LHFPL3: variants seen among roughly 807,000 people sequenced by gnomAD.
LHFPL3 encodes the protein LHFPL tetraspan subfamily member 3.
LHFPL3 carries 5 observed loss-of-function variants against 19.3 expected under a neutral mutation model. The observed-to-expected ratio is 0.26, with a 90% CI of 0.14 to 0.54. LHFPL3 has a LOEUF of 0.54. LHFPL3 is among the 20% of genes least tolerant of loss of function. The pLI is 0.94. For synonymous variants in LHFPL3, 133 were observed against 126.2 expected (o/e 1.05, Z -0.36); for missense variants, 249 against 307.4 (o/e 0.81, Z 1.42).
intron 1 of LHFPL3, among the ~76,000 whole-genome samples, chr7:104,505,556 C>G (rs1305162491): frequency 6.6e-6 from 1 of 151,932 alleles, no homozygotes; most frequent in Non-Finnish European, 1.5e-5. Context: ...ATTGTCTGAG[C>G]ATGGATGACT....
At chr7:104,423,139 A>T (rs1791767346) in intron 1 of LHFPL3, among the ~76,000 whole-genome samples, 1 of 152,162 alleles carries the variant, frequency 6.6e-6, no homozygotes, top group Admixed American at 6.5e-5. Flanking sequence ...AGAGGGGAGG[A>T]CAATAAGCCA....
At chr7:104,604,332 C>T (rs192097309) in intron 1 of LHFPL3, among the ~76,000 whole-genome samples, 1 of 152,284 alleles carries the variant, frequency 6.6e-6, no homozygotes, top group East Asian at 1.9e-4. Context: ...GCAGCAAAAC[C>T]AGGGAGGGCA....
At chr7:104,441,795 C>T (rs902180240) in intron 1 of LHFPL3, among the ~76,000 whole-genome samples, 7 of 152,062 alleles carry the variant, frequency 4.6e-5, no homozygotes, top group Non-Finnish European at 2.9e-5. Flanking sequence ...AGGCTGGTCT[C>T]GAACTCCTGA....
intron 1 of LHFPL3, among the ~76,000 whole-genome samples, chr7:104,487,507 C>T (rs1340417138): frequency 1.3e-5 from 2 of 152,192 alleles, no homozygotes; most frequent in East Asian, 3.8e-4. Context: ...TTAGACATGC[C>T]AGTTAACCTA....
At chr7:104,864,024 G>A (rs1791667285) in intron 2 of LHFPL3, among the ~76,000 whole-genome samples, 1 of 152,160 alleles carries the variant, frequency 6.6e-6, no homozygotes, top group South Asian at 2.1e-4. Context: ...ACTTAACACT[G>A]TATAACTGTT....
chr7:104,556,482 C>G (rs957948086), intron 1 of LHFPL3, among the ~76,000 whole-genome samples: 2 of 152,214 alleles, frequency 1.3e-5, no homozygotes, highest in African/African-American at 4.8e-5. Flanking sequence ...ACCTTGGCCC[C>G]TTTTAGTCAC....
At chr7:104,899,030 A>G (rs748124072) in intron 2 of LHFPL3, among the ~76,000 whole-genome samples, 3 of 152,000 alleles carry the variant, frequency 2.0e-5, no homozygotes, top group Non-Finnish European at 4.4e-5. Context: ...TTGAGCCCAG[A>G]AAGTCAAGGC....
At chr7:104,579,667 A>G (rs79968551) in intron 1 of LHFPL3, among the ~76,000 whole-genome samples, 1 of 152,316 alleles carries the variant, frequency 6.6e-6, no homozygotes, top group East Asian at 1.9e-4. Flanking sequence ...TATTTTGTAG[A>G]TATCTAAATT....
At chr7:104,547,337 G>A (rs998537094) in intron 1 of LHFPL3, among the ~76,000 whole-genome samples, 1 of 149,684 alleles carries the variant, frequency 6.7e-6, no homozygotes, top group Non-Finnish European at 1.5e-5. Flanking sequence ...TGGAATTAAT[G>A]TATTCATCTG....
chr7:104,783,348 C>A (rs1789850452), intron 2 of LHFPL3, among the ~76,000 whole-genome samples: 1 of 152,234 alleles, frequency 6.6e-6, no homozygotes, highest in Non-Finnish European at 1.5e-5. Flanking sequence ...TGCCTACATA[C>A]TTATTTAACC....
At chr7:104,664,327 A>G (rs1251166710) in intron 1 of LHFPL3, among the ~76,000 whole-genome samples, 2 of 151,052 alleles carry the variant, frequency 1.3e-5, no homozygotes, top group East Asian at 3.9e-4. Flanking sequence ...AAAAAAAATG[A>G]CCCTCCAATT....
intron 1 of LHFPL3, among the ~76,000 whole-genome samples, chr7:104,484,086 T>C (rs1318017620): frequency 1.3e-5 from 2 of 149,772 alleles, no homozygotes; most frequent in African/African-American, 5.0e-5. Flanking sequence ...TTAATTCCTT[T>C]CCCTTTCTTC....
chr7:104,408,677 GT>G (rs1257446289), intron 1 of LHFPL3, among the ~76,000 whole-genome samples: 1 of 152,100 alleles, frequency 6.6e-6, no homozygotes. Flanking sequence ...GTCAGAAACA[GT>G]AAAAAGGTTA....
chr7:104,571,456 A>C (rs550780467), intron 1 of LHFPL3, among the ~76,000 whole-genome samples: 156 of 152,120 alleles, frequency 1.0e-3, no homozygotes, highest in Admixed American at 2.0e-3. Context: ...AGGAGCCTTA[A>C]CACCCCTCCT....
intron 1 of LHFPL3, among the ~76,000 whole-genome samples, chr7:104,647,559 C>T (rs1480015254): frequency 1.3e-5 from 2 of 152,156 alleles, no homozygotes; most frequent in African/African-American, 4.8e-5. Flanking sequence ...ATTTTTGAAA[C>T]ATACTGTATT....
chr7:104,494,474 C>T (rs1793418043), intron 1 of LHFPL3, among the ~76,000 whole-genome samples: 1 of 152,152 alleles, frequency 6.6e-6, no homozygotes, highest in Non-Finnish European at 1.5e-5. Flanking sequence ...GATCTCTCCT[C>T]TCATTTTCAC....
chr7:104,553,310 A>G (rs935851361), intron 1 of LHFPL3, among the ~76,000 whole-genome samples: 1 of 152,192 alleles, frequency 6.6e-6, no homozygotes, highest in Non-Finnish European at 1.5e-5. Flanking sequence ...AAGGCAGCCC[A>G]CAGCAACTGT....
chr7:104,882,749 C>T (rs533170500), intron 2 of LHFPL3, among the ~76,000 whole-genome samples: 2 of 152,072 alleles, frequency 1.3e-5, no homozygotes, highest in East Asian at 1.9e-4. Context: ...CTAAAATCAC[C>T]GAATTGTATA....
chr7:104,649,776 T>A (rs1791996961), intron 1 of LHFPL3, among the ~76,000 whole-genome samples: 1 of 152,158 alleles, frequency 6.6e-6, no homozygotes, highest in Admixed American at 6.5e-5. Flanking sequence ...TATCTTTACG[T>A]CCCAAATTGG....
Sources: allele counts gnomAD v4.1 joint callset (sites outside exome capture counted in the v4.1 genomes callset), GRCh38; gene constraint gnomAD v4.1.1; transcripts MANE v1.5; gene names NCBI Gene and HGNC (gene_info 2026-07-23, HGNC 2026-07-21).